RRM2: variants seen among roughly 807,000 people sequenced by gnomAD.
RRM2 encodes ribonucleotide reductase regulatory subunit M2.
A neutral mutation model predicts 45.9 loss-of-function variants in RRM2; 6 were observed. The observed-to-expected ratio is 0.13, with a 90% CI of 0.07 to 0.26. RRM2 has a LOEUF of 0.26. Among genes scored for constraint, RRM2 ranks in the 10% least tolerant of loss-of-function variants. RRM2 has a pLI of 1.00. For missense variants in RRM2, 343 were observed against 489.5 expected (o/e 0.70, Z 2.82); for synonymous variants, 177 against 173.0 (o/e 1.02, Z -0.18).
At chr2:10,142,412 G>A (rs897461661) in intron 3 of RRM2, 9 of 1,368,014 alleles carry the variant, frequency 6.6e-6, no homozygotes, top group Non-Finnish European at 8.8e-6. Flanking sequence ...TGGGGGAAGA[G>A]GGGCCACTGT....
chr2:10,123,571 T>A, intron 3 of RRM2, 41 bp downstream of exon 3: 1 of 1,580,672 alleles, frequency 6.3e-7, no homozygotes, highest in Non-Finnish European at 8.6e-7. Flanking sequence ...GGGGTGACCG[T>A]CACGCCTCAG....
intron 3 of RRM2, among the ~76,000 whole-genome samples, chr2:10,168,250 C>T (rs1335256292): frequency 2.0e-5 from 3 of 151,964 alleles, no homozygotes; most frequent in African/African-American, 4.8e-5. Context: ...ATACCTAAGG[C>T]GATAGTTCCT....
chr2:10,124,980 C>T (rs959803994), intron 5 of RRM2, 130 bp downstream of exon 5: 5 of 797,186 alleles, frequency 6.3e-6, no homozygotes, highest in Non-Finnish European at 7.9e-6. Context: ...TCCCAGCACC[C>T]GTGGTCATGT....
At chr2:10,190,260 G>GTGA (rs1212024964) in intron 3 of RRM2, among the ~76,000 whole-genome samples, 1 of 149,976 alleles carries the variant, frequency 6.7e-6, no homozygotes, top group African/African-American at 2.4e-5. Flanking sequence ...GGTGGTGGTG[G>GTGA]TGATGGTGGT....
chr2:10,122,903 C>A lies in RRM2; in HGVS notation c.99+6C>A. The stretch of plus-strand genomic sequence containing the variant: ...TGGTCGACAAGGAGAACACGGTGAG[C>A]CCGCGGGGAGGGCGCTGCGGGCAGG... On this transcript the variant is annotated splice_donor_region_variant and intron_variant, in intron 1 of 9. Coordinates refer to ENST00000304567, the MANE Select transcript of RRM2 (RefSeq NM_001034.4). The A allele has an allele frequency of 6.3e-7, 1 of 1,576,090 alleles. No homozygotes were observed. The highest frequency in any genetic ancestry group is 1.8e-5 in the Admixed American group (1 of 54,298).
chr2:10,145,692 C>T (rs1663173210), intron 3 of RRM2: 1 of 152,172 alleles, frequency 6.6e-6, no homozygotes, highest in Admixed American at 6.5e-5. Context: ...GGCCCCAGGC[C>T]TCAAGAGACT....
Position 10,185,241 on chromosome 2 carries a change from C to CAG in RRM2, n.483-25061_483-25060dup, listed in dbSNP as rs1305089011. ...TGGCTGCTGACTCCAGGACAAGAGA[C>CAG]AGAGAGAGAGCGTGAAAGCGAGACA... On this transcript the variant is annotated intron_variant and non_coding_transcript_variant, in intron 3 of 3. Coordinates refer to the RRM2 transcript ENST00000381786. The surrounding 1 kb of genome is among the most constrained non-coding windows in gnomAD (Gnocchi z 4.3). Among the ~76,000 whole-genome samples the CAG allele has an allele frequency of 1.3e-5, 2 of 151,328 alleles. No homozygotes were observed. Among genetic ancestry groups the CAG allele is most frequent in the East Asian group, 1.9e-4 (1 of 5,184 alleles).
chr2:10,179,402 C>A (rs965869015), intron 3 of RRM2, among the ~76,000 whole-genome samples: 1 of 152,162 alleles, frequency 6.6e-6, no homozygotes, highest in Non-Finnish European at 1.5e-5. Context: ...CCACCCGCCT[C>A]GGCCTCCCAA....
intron 3 of RRM2, among the ~76,000 whole-genome samples, chr2:10,153,789 T>G (rs1159343700): frequency 6.6e-6 from 1 of 152,156 alleles, no homozygotes; most frequent in East Asian, 1.9e-4. Flanking sequence ...CTGCCAAGTA[T>G]AAAACACAGA....
At chr2:10,162,215 C>T (rs747207122) in intron 3 of RRM2, among the ~76,000 whole-genome samples, 5 of 152,164 alleles carry the variant, frequency 3.3e-5, no homozygotes, top group East Asian at 1.9e-4. Context: ...AGGGCACAGC[C>T]GAGCTGCCAG....
intron 3 of RRM2, among the ~76,000 whole-genome samples, chr2:10,198,059 C>T (rs72788358): frequency 0.24 from 36,434 of 151,784 alleles, 5,360 homozygotes; most frequent in East Asian, 0.4. Flanking sequence ...CCTGCAAAGG[C>T]GGAGGAAACC....
At chr2:10,145,926 T>C (rs1280025516) in intron 3 of RRM2, 1 of 152,302 alleles carries the variant, frequency 6.6e-6, no homozygotes, top group African/African-American at 2.4e-5. Context: ...GCTGGGACTG[T>C]GGATCCAAGG....
rs1486647347 is a variant in RRM2, at chr2:10,200,504, A to T, written n.483-9807A>T. 6.3e-3 allele frequency among the ~76,000 whole-genome samples: 125 copies of T among 19,926 alleles called. 13 individuals are homozygous for T. The highest frequency in any genetic ancestry group is 0.017 in the South Asian group (8 of 474). The allele number at this position is 19,926 out of a possible 152,430, so 13.1% of individuals were successfully genotyped here. ...GGCCCACAGGCACCGCGCACACAAA[A>T]TATGAGGCCCACAGGGACTGCGCGC... On this transcript the variant is annotated intron_variant and non_coding_transcript_variant, in intron 3 of 3. Coordinates refer to the RRM2 transcript ENST00000381786.
At chr2:10,183,173 A>G (rs1179644894) in intron 3 of RRM2, among the ~76,000 whole-genome samples, 9 of 152,318 alleles carry the variant, frequency 5.9e-5, no homozygotes, top group Non-Finnish European at 1.5e-5. Context: ...TCTGTCTCTA[A>G]AACAAAACAA....
rs996906814 is a variant in RRM2 at position 10,172,934 on chromosome 2, A to G, written n.482+30559A>G. On this transcript the variant is annotated intron_variant and non_coding_transcript_variant, in intron 3 of 3. Transcript: ENST00000381786. The surrounding 1 kb of genome is among the most constrained non-coding windows in gnomAD (Gnocchi z 4.9). ...GAACAGTGGCAAATCAGCACTCAGG[A>G]AATATCTGTTGAATGGAAAATCCAG... Among the ~76,000 whole-genome samples, 1 of 152,116 alleles carries G rather than the reference A, an allele frequency of 6.6e-6. No homozygotes were observed. The highest frequency in any genetic ancestry group is 1.9e-4 in the East Asian group (1 of 5,190).
chr2:10,128,828 TC>T lies in RRM2; in HGVS notation c.799-19del, dbSNP rs1558381432. 3.2e-6 allele frequency: 5 copies of T among 1,575,558 alleles called. No homozygotes were observed. The South Asian group carries it at 5.6e-5, about 17-fold the overall frequency. On this transcript the variant is annotated intron_variant, in intron 7 of 9. Coordinates refer to ENST00000304567, the MANE Select transcript of RRM2 (RefSeq NM_001034.4). ...GACAGAAGTCTTCTGGCTTTAGTGA[TC>T]TTGAACTTTTTTTTCTAGGGTTTAC...
downstream of RRM2, among the ~76,000 whole-genome samples, chr2:10,135,079 C>T (rs1558383691): frequency 6.6e-6 from 1 of 152,198 alleles, no homozygotes; most frequent in African/African-American, 2.4e-5. Context: ...AATTATTATT[C>T]AGAAAGAAGA....
intron 3 of RRM2, among the ~76,000 whole-genome samples, chr2:10,184,268 G>A (rs1041340372): frequency 6.6e-6 from 1 of 152,068 alleles, no homozygotes; most frequent in Admixed American, 6.6e-5. Context: ...GTTTCATCAG[G>A]GGGCTTGCAG....
chr2:10,210,060 C>G (rs995892135), intron 3 of RRM2, among the ~76,000 whole-genome samples: 1 of 152,188 alleles, frequency 6.6e-6, no homozygotes, highest in Non-Finnish European at 1.5e-5. Context: ...CAATGCCCTC[C>G]CTCGGGTGAA....
Sources: allele counts gnomAD v4.1 joint callset (sites outside exome capture counted in the v4.1 genomes callset), GRCh38; gene constraint gnomAD v4.1.1; non-coding constraint Gnocchi (gnomAD v3.1); transcripts MANE v1.5; gene names NCBI Gene and HGNC (gene_info 2026-07-23, HGNC 2026-07-21).